Variants in RDX observed in about 807,000 individuals in gnomAD.
RDX encodes deafness, autosomal recessive 24.
In RDX, 32 loss-of-function variants were observed where a neutral mutation model predicts 83.7. The observed-to-expected ratio is 0.38, with a 90% CI of 0.29 to 0.51. RDX has a LOEUF of 0.51. RDX is among the 20% of genes least tolerant of loss of function. RDX has a pLI of 0.87. For synonymous variants in RDX, 229 were observed against 222.7 expected, an observed-to-expected ratio of 1.03 and a Z score of -0.25; for missense variants, 600 against 689.9, an observed-to-expected ratio of 0.87 and a Z score of 1.46.
chr11:110,286,338 C>A (rs899930016), intron 1 of RDX, among the ~76,000 whole-genome samples: 1 of 152,204 alleles, frequency 6.6e-6, no homozygotes, highest in Non-Finnish European at 1.5e-5. Context: ...TGAATATGTA[C>A]TCAAACACAG....
At chr11:110,194,364 C>A (rs1202578769) in intron 15 of RDX, among the ~76,000 whole-genome samples, 1 of 152,218 alleles carries the variant, frequency 6.6e-6, no homozygotes, top group Non-Finnish European at 1.5e-5. Flanking sequence ...GGACTACAGG[C>A]ACCTGCCACC....
chr11:110,199,739 G>T, intron 14 of RDX: 1 of 702,748 alleles, frequency 1.4e-6, no homozygotes, highest in South Asian at 1.5e-5. Context: ...GTAGGAAGCT[G>T]AATGGGCAGG....
intron 14 of RDX, among the ~76,000 whole-genome samples, chr11:110,209,277 C>T (rs956749417): frequency 2.6e-5 from 4 of 152,126 alleles, no homozygotes; most frequent in Admixed American, 2.0e-4. Flanking sequence ...TGCGCTTTTC[C>T]GACGGGCTTA....
intron 14 of RDX, among the ~76,000 whole-genome samples, chr11:110,222,516 A>G (rs1864283671): frequency 6.6e-6 from 1 of 152,132 alleles, no homozygotes; most frequent in Non-Finnish European, 1.5e-5. Context: ...TACTAAATGG[A>G]CCGGGCATGG....
chr11:110,245,148 C>T (rs1319162890), intron 10 of RDX, among the ~76,000 whole-genome samples: 1 of 152,040 alleles, frequency 6.6e-6, no homozygotes, highest in Non-Finnish European at 1.5e-5. Flanking sequence ...ATTTACACTC[C>T]ACCGTGTTGG....
chr11:110,249,389 C>T (rs768197098), intron 9 of RDX, among the ~76,000 whole-genome samples: 4 of 152,120 alleles, frequency 2.6e-5, no homozygotes, highest in Non-Finnish European at 5.9e-5. Flanking sequence ...TATTTATAAA[C>T]CTACATTTTA....
At chr11:110,235,207 G>A (rs1006893237) in intron 12 of RDX, among the ~76,000 whole-genome samples, 1 of 152,042 alleles carries the variant, frequency 6.6e-6, no homozygotes, top group Admixed American at 6.5e-5. Context: ...AAAAATGATG[G>A]TGCATGCCTG....
chr11:110,233,574 C>G, intron 12 of RDX, 95 bp from the exon 13 acceptor site: 1 of 1,348,370 alleles, frequency 7.4e-7, no homozygotes, highest in South Asian at 1.3e-5. Context: ...AACTGTATTT[C>G]AAGGTAATGA....
Position 110,191,382 on chromosome 11 carries a change from G to A in RDX, c.*31+8199C>T, listed in dbSNP as rs145397209. Among the ~76,000 whole-genome samples the A allele has an allele frequency of 4.1e-4, 62 of 152,220 alleles. 1 individual carries two copies. The South Asian group carries it at 5.2e-3, about 13-fold the overall frequency. ...TTTTGATAAAATCCAATATCCCTTC[G>A]GGATAAAAACCTTCAACAGAGTAGG... On this transcript the variant is annotated intron_variant, in intron 15 of 15. Coordinates refer to the RDX transcript ENST00000528498.
intron 14 of RDX, among the ~76,000 whole-genome samples, chr11:110,209,938 C>T (rs1863770113): frequency 6.7e-6 from 1 of 148,474 alleles, no homozygotes; most frequent in Non-Finnish European, 1.5e-5. Flanking sequence ...TGCCTCTCCT[C>T]CTCCAAAGGA....
intron 15 of RDX, among the ~76,000 whole-genome samples, chr11:110,177,248 C>T (rs1007892412): frequency 2.0e-5 from 3 of 152,254 alleles, no homozygotes; most frequent in Non-Finnish European, 4.4e-5. Flanking sequence ...CGCGACAGTG[C>T]GAACTCCTGT....
chr11:110,221,627 C>CACACGA (rs1864251870), intron 14 of RDX, among the ~76,000 whole-genome samples: 1 of 151,562 alleles, frequency 6.6e-6, no homozygotes, highest in African/African-American at 2.4e-5. Context: ...CACACACACA[C>CACACGA]ACACACACAC....
intron 14 of RDX, among the ~76,000 whole-genome samples, chr11:110,217,219 A>G (rs1864086550): frequency 6.6e-6 from 1 of 152,150 alleles, no homozygotes; most frequent in African/African-American, 2.4e-5. Context: ...TCAGTCCCTT[A>G]TTTCATAGTT....
intron 2 of RDX, among the ~76,000 whole-genome samples, chr11:110,278,548 T>C (rs542998250): frequency 2.1e-4 from 32 of 152,284 alleles, no homozygotes; most frequent in Non-Finnish European, 3.7e-4. Flanking sequence ...ACTAGTTTTA[T>C]ATAAAAAAGG....
chr11:110,191,879 A>C (rs547370764), intron 15 of RDX, among the ~76,000 whole-genome samples: 36 of 152,262 alleles, frequency 2.4e-4, no homozygotes, highest in African/African-American at 5.8e-4. Flanking sequence ...ATTAAAATAA[A>C]TCATAGATGA....
chr11:110,207,220 C>T (rs1284114596), intron 14 of RDX, among the ~76,000 whole-genome samples: 1 of 152,104 alleles, frequency 6.6e-6, no homozygotes, highest in Non-Finnish European at 1.5e-5. Flanking sequence ...GTGATCCGCC[C>T]GCCTCAGCCT....
intron 14 of RDX, among the ~76,000 whole-genome samples, chr11:110,204,262 C>CAA (rs71476072): frequency 7.3e-4 from 81 of 110,968 alleles, no homozygotes; most frequent in African/African-American, 2.5e-3. Context: ...TTAAGGTCAG[C>CAA]AAAAAAAAAA....
intron 1 of RDX, among the ~76,000 whole-genome samples, chr11:110,281,327 T>C (rs1287809997): frequency 6.6e-6 from 1 of 151,972 alleles, no homozygotes; most frequent in Non-Finnish European, 1.5e-5. Context: ...CTGAGATTTT[T>C]TTTTTTTTTT....
chr11:110,222,063 C>G (rs890727346), intron 14 of RDX, among the ~76,000 whole-genome samples: 6 of 152,262 alleles, frequency 3.9e-5, no homozygotes, highest in Non-Finnish European at 5.9e-5. Context: ...AAACATCATG[C>G]CTTCTTTTCT....
Sources: gnomAD v4.1 joint callset for allele counts (sites outside exome capture counted in the v4.1 genomes callset) on GRCh38, gnomAD v4.1.1 for gene constraint, MANE v1.5 for transcripts, NCBI Gene and HGNC (gene_info 2026-07-23, HGNC 2026-07-21) for gene names.